Variants in GALNT13 observed in about 807,000 individuals in gnomAD.
GALNT13 encodes polypeptide N-acetylgalactosaminyltransferase 13.
Under a neutral mutation model 64.2 loss-of-function variants are expected in GALNT13, and 28 were observed. The observed-to-expected ratio is 0.44, with a 90% CI of 0.32 to 0.60. The LOEUF is 0.60. Ranked by LOEUF, GALNT13 falls within the 20% of genes least tolerant of loss-of-function variation. The pLI is 0.05. For missense variants in GALNT13, 577 were observed against 669.8 expected (o/e 0.86, Z 1.53); for synonymous variants, 214 against 224.6 (o/e 0.95, Z 0.42).
intron 4 of GALNT13, among the ~76,000 whole-genome samples, chr2:154,187,260 G>A (rs1048666147): frequency 6.6e-6 from 1 of 151,704 alleles, no homozygotes; most frequent in Non-Finnish European, 1.5e-5. Flanking sequence ...ACACATAAAT[G>A]CACTTTTAAA....
the GALNT13 span, among the ~76,000 whole-genome samples, chr2:153,659,902 G>A: frequency 6.6e-6 from 1 of 152,062 alleles, no homozygotes; most frequent in African/African-American, 2.4e-5. Context: ...ATAGTCTAAA[G>A]TATTCTAATT....
intron 4 of GALNT13, among the ~76,000 whole-genome samples, chr2:154,224,965 G>A (rs1376836534): frequency 3.3e-5 from 5 of 152,080 alleles, no homozygotes; most frequent in African/African-American, 4.8e-5. Context: ...CAGATATGTC[G>A]CAGATGGAGT....
intron 4 of GALNT13, among the ~76,000 whole-genome samples, chr2:154,147,579 G>T (rs1237922075): frequency 6.6e-6 from 1 of 151,814 alleles, no homozygotes; most frequent in Admixed American, 6.6e-5. Context: ...GCCAGTTCTG[G>T]TTAGAGGAGG....
the GALNT13 span, among the ~76,000 whole-genome samples, chr2:153,287,157 C>A: frequency 6.6e-6 from 1 of 152,200 alleles, no homozygotes; most frequent in African/African-American, 2.4e-5. Context: ...GTTCCCTAAT[C>A]TCACTCGCAG....
intron 11 of GALNT13, among the ~76,000 whole-genome samples, chr2:154,423,322 T>G (rs1047743454): frequency 2.0e-5 from 3 of 152,110 alleles, no homozygotes; most frequent in African/African-American, 4.8e-5. Flanking sequence ...TGATGGACAT[T>G]TGGGTTGGTT....
the GALNT13 span, among the ~76,000 whole-genome samples, chr2:153,359,630 C>CAAAAGAAAAA: frequency 2.6e-5 from 1 of 38,220 alleles, no homozygotes. Flanking sequence ...CAGCTTTCAG[C>CAAAAGAAAAA]AAAAAAAAAA....
chr2:153,852,388 A>G, the GALNT13 span, among the ~76,000 whole-genome samples: 1 of 152,202 alleles, frequency 6.6e-6, no homozygotes, highest in East Asian at 1.9e-4. Context: ...AGAAATAATA[A>G]CTAACATTTT....
At chr2:153,629,629 A>T in the GALNT13 span, among the ~76,000 whole-genome samples, 359 of 152,178 alleles carry the variant, frequency 2.4e-3, 7 homozygotes, top group Admixed American at 0.02. Context: ...AATGGCAACA[A>T]AAGACAAATT....
chr2:153,878,498 G>A (rs1423670233), intron 1 of GALNT13, among the ~76,000 whole-genome samples: 1 of 152,262 alleles, frequency 6.6e-6, no homozygotes, highest in Non-Finnish European at 1.5e-5. Flanking sequence ...TTTGGACCTA[G>A]GAAAGATGCT....
At chr2:153,463,092 A>C in the GALNT13 span, among the ~76,000 whole-genome samples, 2 of 152,124 alleles carry the variant, frequency 1.3e-5, no homozygotes, top group Non-Finnish European at 2.9e-5. Flanking sequence ...TTCCACATAA[A>C]ATCAACTCTT....
At chr2:154,130,695 A>T (rs1300026418) in intron 3 of GALNT13, among the ~76,000 whole-genome samples, 3 of 152,210 alleles carry the variant, frequency 2.0e-5, no homozygotes, top group Middle Eastern at 3.2e-3. Context: ...AAATTATTTT[A>T]AAAATATATG....
the GALNT13 span, among the ~76,000 whole-genome samples, chr2:153,577,509 A>G: frequency 6.6e-6 from 1 of 152,118 alleles, no homozygotes; most frequent in Non-Finnish European, 1.5e-5. Flanking sequence ...ATATATAAGT[A>G]TCAATGTTAG....
the GALNT13 span, among the ~76,000 whole-genome samples, chr2:153,161,347 G>A: frequency 4.6e-5 from 7 of 152,250 alleles, no homozygotes; most frequent in East Asian, 7.7e-4. Context: ...TAGACACCAA[G>A]GATACAGCAG....
chr2:153,786,137 A>T, the GALNT13 span, among the ~76,000 whole-genome samples: 1 of 152,074 alleles, frequency 6.6e-6, no homozygotes, highest in African/African-American at 2.4e-5. Context: ...GGACTCCATC[A>T]CAACCACCCT....
chr2:153,098,859 G>C, the GALNT13 span, among the ~76,000 whole-genome samples: 1 of 152,266 alleles, frequency 6.6e-6, no homozygotes, highest in East Asian at 1.9e-4. Context: ...GTTTTCCATA[G>C]TGGTTGTAGC....
At chr2:153,145,185 A>G in the GALNT13 span, among the ~76,000 whole-genome samples, 3 of 151,908 alleles carry the variant, frequency 2.0e-5, no homozygotes, top group African/African-American at 7.2e-5. Context: ...ATATAAGTGT[A>G]TGGATTGGTG....
At chr2:154,103,647 A>G (rs1439851646) in intron 3 of GALNT13, among the ~76,000 whole-genome samples, 4 of 152,122 alleles carry the variant, frequency 2.6e-5, no homozygotes, top group Admixed American at 6.6e-5. Context: ...GGACTTTTAA[A>G]TTTATTATTC....
chr2:154,386,282 C>T (rs561691695), intron 9 of GALNT13, among the ~76,000 whole-genome samples: 5 of 152,016 alleles, frequency 3.3e-5, no homozygotes, highest in Non-Finnish European at 5.9e-5. Flanking sequence ...AAAATGTAAC[C>T]ATGTGTGGGA....
At chr2:153,426,080 G>A in the GALNT13 span, among the ~76,000 whole-genome samples, 19 of 151,718 alleles carry the variant, frequency 1.3e-4, no homozygotes, top group African/African-American at 4.6e-4. Context: ...ATTTAATATT[G>A]ATAGTGAGAG....
Sources: allele counts gnomAD v4.1 joint callset (sites outside exome capture counted in the v4.1 genomes callset), GRCh38; gene constraint gnomAD v4.1.1; transcripts MANE v1.5; gene names NCBI Gene and HGNC (gene_info 2026-07-23, HGNC 2026-07-21).